The following TUSC3 variants were observed in gnomAD, a reference collection of about 807,000 sequenced individuals.
TUSC3 encodes dolichyl-diphosphooligosaccharide--protein glycosyltransferase subunit TUSC3.
TUSC3 carries 45 observed loss-of-function variants against 44.8 expected under a neutral mutation model. That is an observed-to-expected ratio of 1.00 (90% confidence interval 0.79 to 1.29). The LOEUF is 1.29. Among genes scored for constraint, TUSC3 ranks in the 50% most tolerant of loss-of-function variants. TUSC3 has a pLI of 0.00. For synonymous variants in TUSC3, 212 were observed against 152.9 expected, an observed-to-expected ratio of 1.39 and a Z score of -2.85; for missense variants, 519 against 437.9, an observed-to-expected ratio of 1.19 and a Z score of -1.65.
intron 10 of TUSC3, among the ~76,000 whole-genome samples, chr8:15,759,091 G>C (rs980591573): frequency 6.6e-6 from 1 of 152,136 alleles, no homozygotes; most frequent in Non-Finnish European, 1.5e-5. Flanking sequence ...ATGTAGAGTA[G>C]AGATTAAAAA....
chr8:15,662,989 T>G (rs568238340), intron 5 of TUSC3, among the ~76,000 whole-genome samples: 1 of 151,792 alleles, frequency 6.6e-6, no homozygotes, highest in African/African-American at 2.4e-5. Flanking sequence ...AGAACTACAG[T>G]TGTGTGGGGC....
chr8:15,598,724 C>T (rs1385262722), intron 1 of TUSC3, among the ~76,000 whole-genome samples: 2 of 151,790 alleles, frequency 1.3e-5, no homozygotes, highest in South Asian at 2.1e-4. Context: ...GCCTCTTTCA[C>T]TTAGTAATGT....
chr8:15,649,728 C>G (rs957363122), intron 2 of TUSC3, among the ~76,000 whole-genome samples: 2 of 151,916 alleles, frequency 1.3e-5, no homozygotes, highest in Non-Finnish European at 2.9e-5. Flanking sequence ...GTCTAACTTC[C>G]TCTCAAAACT....
At chr8:15,435,608 T>G (rs764868705) in intron 1 of TUSC3, among the ~76,000 whole-genome samples, 22 of 152,172 alleles carry the variant, frequency 1.4e-4, no homozygotes, top group Non-Finnish European at 2.9e-4. Context: ...AGGTACCTGG[T>G]GCCTAAAACA....
chr8:15,670,346 C>G (rs777178595), intron 5 of TUSC3, among the ~76,000 whole-genome samples: 1 of 151,892 alleles, frequency 6.6e-6, no homozygotes, highest in Middle Eastern at 3.4e-3. Context: ...TTATTCATTT[C>G]ACATAAAGCC....
At chr8:15,711,693 T>C (rs4571735) in intron 6 of TUSC3, among the ~76,000 whole-genome samples, 47,652 of 151,528 alleles carry the variant, frequency 0.31, 7,837 homozygotes, top group Admixed American at 0.41. Context: ...TCTGATTTGC[T>C]CAAGAAAATA....
At chr8:15,835,798 T>G in the TUSC3 span, among the ~76,000 whole-genome samples, 1 of 152,190 alleles carries the variant, frequency 6.6e-6, no homozygotes, top group African/African-American at 2.4e-5. Context: ...TTATTAATTA[T>G]GTGTTTAGGT....
At chr8:15,463,022 TCTC>T (rs1355366700) in intron 1 of TUSC3, among the ~76,000 whole-genome samples, 1 of 152,064 alleles carries the variant, frequency 6.6e-6, no homozygotes, top group Non-Finnish European at 1.5e-5. Context: ...ATTTTCTGTT[TCTC>T]CTCCTCCTCA....
chr8:15,598,820 A>T (rs2129153695), intron 1 of TUSC3, among the ~76,000 whole-genome samples: 1 of 151,718 alleles, frequency 6.6e-6, no homozygotes, highest in East Asian at 1.9e-4. Flanking sequence ...TGGATGTACC[A>T]GTTTATTTAC....
chr8:15,830,993 G>A, the TUSC3 span, among the ~76,000 whole-genome samples: 2 of 104,210 alleles, frequency 1.9e-5, no homozygotes, highest in African/African-American at 7.4e-5. Flanking sequence ...GTGCAAGCAA[G>A]GATGGATTCC....
the TUSC3 span, among the ~76,000 whole-genome samples, chr8:15,831,958 T>A: frequency 6.6e-6 from 1 of 152,078 alleles, no homozygotes; most frequent in Non-Finnish European, 1.5e-5. Flanking sequence ...AGTAAGATAC[T>A]TCAAAGAAGA....
At chr8:15,700,869 C>CTTTTTTTTTTTTTTTTTTTTTTT (rs1332141201) in intron 6 of TUSC3, among the ~76,000 whole-genome samples, 14 of 60,298 alleles carry the variant, frequency 2.3e-4, no homozygotes, top group Admixed American at 5.2e-4. Flanking sequence ...TTTTTTTTTG[C>CTTTTTTTTTTTTTTTTTTTTTTT]TTTGCCTGTT....
the TUSC3 span, among the ~76,000 whole-genome samples, chr8:15,833,919 C>T: frequency 0.011 from 1,647 of 151,836 alleles, 86 homozygotes; most frequent in Admixed American, 0.084. Flanking sequence ...ATATAGAGAA[C>T]GTTTACTGAT....
At chr8:15,546,883 G>A (rs1801887532) in intron 1 of TUSC3, among the ~76,000 whole-genome samples, 2 of 151,508 alleles carry the variant, frequency 1.3e-5, no homozygotes, top group Admixed American at 6.6e-5. Flanking sequence ...TTGCCTGCCT[G>A]CCTGCCTGCC....
At chr8:15,538,587 G>T (rs866289861), upstream of TUSC3, among the ~76,000 whole-genome samples, 1 of 152,120 alleles carries the variant, frequency 6.6e-6, no homozygotes, top group Non-Finnish European at 1.5e-5. Context: ...GGTTGTTGTG[G>T]AGCAAGCGTT....
At chr8:15,512,403 C>G (rs1801149482) in intron 2 of TUSC3, among the ~76,000 whole-genome samples, 1 of 152,190 alleles carries the variant, frequency 6.6e-6, no homozygotes, top group Admixed American at 6.5e-5. Context: ...TCCTGAGTCT[C>G]CTGTCTGCTA....
the TUSC3 span, among the ~76,000 whole-genome samples, chr8:15,818,079 G>A: frequency 6.6e-6 from 1 of 152,166 alleles, no homozygotes; most frequent in Non-Finnish European, 1.5e-5. Context: ...CTAGGACCTT[G>A]GAGAAGAGCA....
intron 9 of TUSC3, among the ~76,000 whole-genome samples, chr8:15,749,528 A>T (rs1302036560): frequency 2.0e-5 from 3 of 152,056 alleles, no homozygotes; most frequent in African/African-American, 7.2e-5. Flanking sequence ...AATGGAAGAA[A>T]TGTGGGTATC....
intron 9 of TUSC3, chr8:15,748,995 A>G (rs1481599231): frequency 5.8e-6 from 2 of 346,642 alleles, no homozygotes; most frequent in Non-Finnish European, 1.1e-5. Flanking sequence ...CAAAGGCCGC[A>G]TTATTATTAC....
Sources: gnomAD v4.1 joint callset for allele counts (sites outside exome capture counted in the v4.1 genomes callset) on GRCh38, gnomAD v4.1.1 for gene constraint, MANE v1.5 for transcripts, NCBI Gene and HGNC (gene_info 2026-07-23, HGNC 2026-07-21) for gene names.